The following UBE2W variants were observed in gnomAD, a reference collection of about 807,000 sequenced individuals.
UBE2W encodes ubiquitin-conjugating enzyme E2 W.
Under a neutral mutation model 27.2 loss-of-function variants are expected in UBE2W, and 18 were observed. The ratio of observed to expected loss-of-function variants is 0.66; its 90% CI spans 0.46 to 0.98. The LOEUF (loss-of-function observed/expected upper bound fraction) is 0.98. UBE2W is among the 50% of genes least tolerant of loss of function. UBE2W has a pLI of 0.00. For missense variants in UBE2W, 90 were observed against 180.2 expected, an observed-to-expected ratio of 0.50 and a Z score of 2.87; for synonymous variants, 53 against 57.2, an observed-to-expected ratio of 0.93 and a Z score of 0.33.
chr8:73,851,564 T>C (rs1470320598), intron 1 of UBE2W, among the ~76,000 whole-genome samples: 1 of 152,188 alleles, frequency 6.6e-6, no homozygotes, highest in African/African-American at 2.4e-5. Context: ...TTTTCTAATA[T>C]TTGGCAATAA....
chr8:73,825,641 A>C (rs1233973904), intron 2 of UBE2W, among the ~76,000 whole-genome samples: 3 of 152,134 alleles, frequency 2.0e-5, no homozygotes, highest in African/African-American at 7.2e-5. Context: ...TCTCTACTAA[A>C]AATACAAAAA....
chr8:73,844,991 C>T (rs1458858925), intron 1 of UBE2W, among the ~76,000 whole-genome samples: 13 of 102,526 alleles, frequency 1.3e-4, no homozygotes, highest in African/African-American at 3.7e-4. Context: ...CTCCGCCCTG[C>T]AGCCGCCCCG....
chr8:73,839,734 T>G (rs1270094464), intron 1 of UBE2W, among the ~76,000 whole-genome samples: 2 of 149,646 alleles, frequency 1.3e-5, no homozygotes, highest in South Asian at 2.1e-4. Context: ...TGGTTTTTTT[T>G]TTTTTTTTTT....
At chr8:73,820,612 A>AG (rs1809570164) in intron 3 of UBE2W, among the ~76,000 whole-genome samples, 1 of 152,086 alleles carries the variant, frequency 6.6e-6, no homozygotes, top group Admixed American at 6.6e-5. Flanking sequence ...ATGGTGGTGC[A>AG]TACCTGTAGT....
Position 73,786,957 on chromosome 8 carries a change from T to C in UBE2W, c.*7145A>G. On this transcript the variant is annotated 3_prime_UTR_variant, in exon 6 of 6. Coordinates refer to ENST00000602593, the MANE Select transcript of UBE2W (RefSeq NM_018299.6). ...ATTGGCTATCTGCAGGATACAGCCA[T>C]CTATATTAGGATCTTGTCTAATGAC... is the stretch of plus-strand genomic sequence containing the variant. The C allele has an allele frequency of 1.0e-6, 1 of 985,442 alleles. No individual in the cohort carries two copies. 61.0% of individuals were successfully genotyped at this position (985,442 alleles called of 1,614,324 possible).
chr8:73,848,334 A>G (rs13271254), intron 1 of UBE2W, among the ~76,000 whole-genome samples: 1 of 152,170 alleles, frequency 6.6e-6, no homozygotes, highest in Non-Finnish European at 1.5e-5. Context: ...AAATAAATAT[A>G]CAGTATAATT....
At chr8:73,822,885 A>G (rs1313249471) in intron 3 of UBE2W, among the ~76,000 whole-genome samples, 1 of 152,210 alleles carries the variant, frequency 6.6e-6, no homozygotes, top group Non-Finnish European at 1.5e-5. Flanking sequence ...AGGAGTGTGG[A>G]AAAGAGAAAA....
At chr8:73,873,613 G>C (rs1053924457) in intron 1 of UBE2W, among the ~76,000 whole-genome samples, 2 of 152,168 alleles carry the variant, frequency 1.3e-5, no homozygotes, top group African/African-American at 2.4e-5. Flanking sequence ...CCAAGACCAC[G>C]TCACTGCACT....
At chr8:73,843,335 T>G (rs890891846) in intron 1 of UBE2W, among the ~76,000 whole-genome samples, 1 of 152,238 alleles carries the variant, frequency 6.6e-6, no homozygotes, top group Admixed American at 6.5e-5. Context: ...AAATTACATC[T>G]AAATAAAAAT....
chr8:73,832,254 T>C (rs1810102257), intron 1 of UBE2W, among the ~76,000 whole-genome samples: 1 of 151,944 alleles, frequency 6.6e-6, no homozygotes, highest in South Asian at 2.1e-4. Context: ...TGAACTATAG[T>C]TGTACCACTG....
At chr8:73,794,865 A>G (rs1042061038) in intron 5 of UBE2W, among the ~76,000 whole-genome samples, 1 of 148,416 alleles carries the variant, frequency 6.7e-6, no homozygotes, top group African/African-American at 2.5e-5. Flanking sequence ...AAAAAAAAAA[A>G]AAAAGAAAAA....
At chr8:73,807,121 T>G (rs886864864) in intron 4 of UBE2W, among the ~76,000 whole-genome samples, 1 of 152,278 alleles carries the variant, frequency 6.6e-6, no homozygotes, top group African/African-American at 2.4e-5. Flanking sequence ...TTAAAGTTTA[T>G]AGATACTATG....
chr8:73,805,990 TAA>T (rs371579434), intron 4 of UBE2W, among the ~76,000 whole-genome samples: 1 of 152,020 alleles, frequency 6.6e-6, no homozygotes, highest in African/African-American at 2.4e-5. Flanking sequence ...CAGTCTCTAC[TAA>T]AAATACAAAA....
chr8:73,829,798 A>C (rs1003022027), intron 2 of UBE2W, among the ~76,000 whole-genome samples: 1 of 152,166 alleles, frequency 6.6e-6, no homozygotes, highest in East Asian at 1.9e-4. Flanking sequence ...GTTGGTTTAC[A>C]ATCAATTTTT....
At chr8:73,813,298 CA>C (rs1354547351) in intron 3 of UBE2W, among the ~76,000 whole-genome samples, 1 of 151,784 alleles carries the variant, frequency 6.6e-6, no homozygotes, top group Non-Finnish European at 1.5e-5. Context: ...AGGCATGAAC[CA>C]AAAGGTACTC....
At chr8:73,874,658 A>G (rs1812143777) in intron 1 of UBE2W, among the ~76,000 whole-genome samples, 1 of 152,262 alleles carries the variant, frequency 6.6e-6, no homozygotes, top group South Asian at 2.1e-4. Context: ...ATTTGCTACA[A>G]GAAACTTTTC....
intron 1 of UBE2W, among the ~76,000 whole-genome samples, chr8:73,848,781 A>T (rs1265941564): frequency 6.6e-6 from 1 of 152,222 alleles, no homozygotes; most frequent in Non-Finnish European, 1.5e-5. Context: ...GAGGCTTCCA[A>T]GGTGGAGCTA....
chr8:73,824,072 C>G (rs565434037), intron 3 of UBE2W, among the ~76,000 whole-genome samples: 1 of 152,152 alleles, frequency 6.6e-6, no homozygotes, highest in Non-Finnish European at 1.5e-5. Flanking sequence ...TCATGTCTTA[C>G]CATTTTAGCC....
At chr8:73,806,661 G>A (rs774810736) in intron 4 of UBE2W, among the ~76,000 whole-genome samples, 96 of 152,046 alleles carry the variant, frequency 6.3e-4, no homozygotes, top group Non-Finnish European at 8.2e-4. Flanking sequence ...GCAATGAGCC[G>A]AGATTGCGCC....
Sources: allele counts gnomAD v4.1 joint callset (sites outside exome capture counted in the v4.1 genomes callset), GRCh38; gene constraint gnomAD v4.1.1; transcripts MANE v1.5; gene names NCBI Gene and HGNC (gene_info 2026-07-23, HGNC 2026-07-21).